THSD7B: variants seen among roughly 807,000 people sequenced by gnomAD.
THSD7B encodes thrombospondin type-1 domain-containing protein 7B.
Under a neutral mutation model 213.6 loss-of-function variants are expected in THSD7B, and 138 were observed. The ratio of observed to expected loss-of-function variants is 0.65; its 90% CI spans 0.56 to 0.74. The LOEUF (loss-of-function observed/expected upper bound fraction) is 0.74. Ranked by LOEUF, THSD7B falls within the 30% of genes least tolerant of loss-of-function variation. The probability of loss-of-function intolerance (pLI) is 0.00; values close to 1 mark genes in which losing one functional copy is unlikely to be tolerated. For missense variants in THSD7B, 1,931 were observed against 1,991.5 expected (o/e 0.97, Z 0.58); for synonymous variants, 742 against 687.0 (o/e 1.08, Z -1.25).
In THSD7B at chr2:136,927,519, G is replaced by C. The variant is rs551943361; in HGVS notation, c.139+45202G>C. On this transcript the variant is annotated intron_variant, in intron 2 of 27. Coordinates refer to ENST00000409968, the MANE Select transcript of THSD7B (RefSeq NM_001316349.2). ...ATCCTTATGAAATAATTGGCTTCAG[G>C]GATGAACCATTGTTCAATGTTGAAC... Among the ~76,000 whole-genome samples, 29 of 152,272 alleles carry C rather than the reference G, an allele frequency of 1.9e-4. No homozygotes were observed. In the East Asian group the frequency reaches 5.6e-3, roughly 29 times the overall value.
At chr2:137,491,691 C>T (rs1679404799) in intron 15 of THSD7B, among the ~76,000 whole-genome samples, 1 of 152,154 alleles carries the variant, frequency 6.6e-6, no homozygotes, top group African/African-American at 2.4e-5. Flanking sequence ...TGAGCCAAGA[C>T]CTGTTTCATG....
At chr2:137,226,999 A>G (rs1681521118) in intron 7 of THSD7B, among the ~76,000 whole-genome samples, 1 of 152,214 alleles carries the variant, frequency 6.6e-6, no homozygotes, top group African/African-American at 2.4e-5. Flanking sequence ...ACAAATATAT[A>G]TAAAATATTC....
chr2:137,586,411 A>T (rs1681729199), intron 17 of THSD7B, among the ~76,000 whole-genome samples: 1 of 151,914 alleles, frequency 6.6e-6, no homozygotes, highest in Admixed American at 6.6e-5. Context: ...CCATTAGTTG[A>T]TGCAATTTCT....
intron 12 of THSD7B, among the ~76,000 whole-genome samples, chr2:137,299,444 A>G (rs1244146209): frequency 6.6e-6 from 1 of 151,332 alleles, no homozygotes; most frequent in Non-Finnish European, 1.5e-5. Context: ...CTGGGAAGGC[A>G]TGATTGGTTT....
intron 1 of THSD7B, among the ~76,000 whole-genome samples, chr2:136,826,528 G>A (rs539206826): frequency 2.2e-4 from 34 of 152,234 alleles, no homozygotes; most frequent in African/African-American, 7.7e-4. Context: ...TGGGTTTTCC[G>A]GCTTCAGGCT....
At chr2:137,498,220 T>C (rs1377723224) in intron 15 of THSD7B, among the ~76,000 whole-genome samples, 1 of 152,222 alleles carries the variant, frequency 6.6e-6, no homozygotes, top group Non-Finnish European at 1.5e-5. Context: ...ATTAAGGATG[T>C]ATTTATTGAG....
At chr2:137,587,557 C>T (rs1368734166) in intron 17 of THSD7B, among the ~76,000 whole-genome samples, 1 of 152,224 alleles carries the variant, frequency 6.6e-6, no homozygotes, top group Non-Finnish European at 1.5e-5. Context: ...TTCTAACATT[C>T]AGGATCCTCA....
At chr2:137,011,597 C>G (rs1342533532) in intron 2 of THSD7B, among the ~76,000 whole-genome samples, 1 of 152,192 alleles carries the variant, frequency 6.6e-6, no homozygotes, top group South Asian at 2.1e-4. Flanking sequence ...AAAGCACTGT[C>G]TCACAGGAAG....
rs147110866 is a variant in THSD7B, at chr2:137,053,015, G to A, written c.140-3405G>A. ...TTTAATATAAGGAGGAACTATTCTA[G>A]TTTGACTCTGCCTTTCTAAATGTCC... On this transcript the variant is annotated intron_variant, in intron 2 of 27. Coordinates refer to ENST00000409968, the MANE Select transcript of THSD7B (RefSeq NM_001316349.2). 1.2e-4 allele frequency among the ~76,000 whole-genome samples: 19 copies of A among 152,134 alleles called. No homozygotes were observed. The East Asian group carries it at 3.7e-3, about 29-fold the overall frequency.
intron 5 of THSD7B, among the ~76,000 whole-genome samples, chr2:137,142,475 G>A (rs1679605890): frequency 6.6e-6 from 1 of 152,052 alleles, no homozygotes; most frequent in Admixed American, 6.6e-5. Context: ...TGTTTTTGGA[G>A]GGTTGAGCAT....
chr2:137,267,715 A>C (rs1472753715), intron 10 of THSD7B, among the ~76,000 whole-genome samples: 1 of 152,212 alleles, frequency 6.6e-6, no homozygotes, highest in African/African-American at 2.4e-5. Context: ...TATAATAATA[A>C]AATAAGGTAG....
intron 15 of THSD7B, among the ~76,000 whole-genome samples, chr2:137,469,972 G>A (rs952985706): frequency 3.9e-5 from 6 of 152,108 alleles, no homozygotes; most frequent in African/African-American, 7.2e-5. Flanking sequence ...TTAGATTTGG[G>A]GGAAAACATA....
intron 12 of THSD7B, among the ~76,000 whole-genome samples, chr2:137,399,715 C>A (rs1467331949): frequency 2.0e-5 from 3 of 151,880 alleles, no homozygotes; most frequent in African/African-American, 4.8e-5. Context: ...GATTGCTGGG[C>A]CTTCTGTATC....
At chr2:137,348,077 T>C (rs980474014) in intron 12 of THSD7B, among the ~76,000 whole-genome samples, 1 of 151,644 alleles carries the variant, frequency 6.6e-6, no homozygotes, top group African/African-American at 2.4e-5. Context: ...AATTCAACAA[T>C]GTGGAAAATT....
At chr2:137,337,908 C>T (rs750894246) in intron 12 of THSD7B, among the ~76,000 whole-genome samples, 23 of 151,970 alleles carry the variant, frequency 1.5e-4, no homozygotes. Flanking sequence ...TTCAGGATGG[C>T]TCCCAATGTT....
intron 21 of THSD7B, among the ~76,000 whole-genome samples, chr2:137,653,171 T>C (rs1030456872): frequency 3.3e-5 from 5 of 152,198 alleles, no homozygotes; most frequent in African/African-American, 1.2e-4. Flanking sequence ...CCTGCCTTTA[T>C]ATCTGGAGGA....
intron 17 of THSD7B, among the ~76,000 whole-genome samples, chr2:137,600,936 G>A (rs1682065505): frequency 6.6e-6 from 1 of 152,040 alleles, no homozygotes; most frequent in Admixed American, 6.6e-5. Context: ...TGTGGCCTAA[G>A]CTAAAACGTG....
At chr2:137,445,869 C>A (rs1201487315) in intron 14 of THSD7B, among the ~76,000 whole-genome samples, 2 of 151,498 alleles carry the variant, frequency 1.3e-5, no homozygotes, top group Non-Finnish European at 3.0e-5. Flanking sequence ...CACATGTACC[C>A]CATAAATATA....
intron 24 of THSD7B, among the ~76,000 whole-genome samples, chr2:137,657,703 C>A (rs753821126): frequency 1.6e-4 from 24 of 152,120 alleles, no homozygotes; most frequent in Non-Finnish European, 1.5e-5. Context: ...TACTTAATAT[C>A]TAAATATAGA....
Sources: allele counts gnomAD v4.1 joint callset (sites outside exome capture counted in the v4.1 genomes callset), GRCh38; gene constraint gnomAD v4.1.1; transcripts MANE v1.5; gene names NCBI Gene and HGNC (gene_info 2026-07-23, HGNC 2026-07-21).